Variants in KCNH1 observed in about 807,000 individuals in gnomAD.
The protein encoded by KCNH1 is potassium voltage-gated channel subfamily H member 1.
A neutral mutation model predicts 69.2 loss-of-function variants in KCNH1; 27 were observed. That is an observed-to-expected ratio of 0.39 (90% CI 0.29 to 0.54). KCNH1 has a LOEUF of 0.54. Ranked by LOEUF, KCNH1 falls within the 20% of genes least tolerant of loss-of-function variation. The pLI is 0.68. For synonymous variants in KCNH1, 456 were observed against 487.7 expected (o/e 0.93, Z 0.86); for missense variants, 798 against 1,261.6 (o/e 0.63, Z 5.57).
At chr1:210,964,586 G>C (rs1688362728) in intron 6 of KCNH1, among the ~76,000 whole-genome samples, 1 of 152,084 alleles carries the variant, frequency 6.6e-6, no homozygotes, top group Non-Finnish European at 1.5e-5. Flanking sequence ...CCAATAACCA[G>C]ATCTGAAATT....
At chr1:211,073,983 C>T (rs1366728375) in intron 5 of KCNH1, among the ~76,000 whole-genome samples, 1 of 151,598 alleles carries the variant, frequency 6.6e-6, no homozygotes, top group African/African-American at 2.4e-5. Flanking sequence ...AACATACTAG[C>T]CCCTGAGATG....
chr1:211,118,573 A>C (rs1478104389), intron 1 of KCNH1, among the ~76,000 whole-genome samples: 1 of 152,174 alleles, frequency 6.6e-6, no homozygotes, highest in African/African-American at 2.4e-5. Flanking sequence ...TCCTCAGCCC[A>C]CATAGTTTTC....
chr1:210,896,813 G>T (rs1352435897), intron 7 of KCNH1, among the ~76,000 whole-genome samples: 1 of 150,462 alleles, frequency 6.6e-6, no homozygotes, highest in East Asian at 1.9e-4. Flanking sequence ...ATAAAAGTAA[G>T]AAAAAAAAAC....
At chr1:210,806,833 AAAAATAT>A (rs1684584346) in intron 7 of KCNH1, among the ~76,000 whole-genome samples, 2 of 78,776 alleles carry the variant, frequency 2.5e-5, no homozygotes, top group East Asian at 9.1e-4. Flanking sequence ...AAAAAAAAAA[AAAAATAT>A]ATATATATAT....
At chr1:210,957,176 G>A (rs977995104) in intron 6 of KCNH1, among the ~76,000 whole-genome samples, 1 of 152,158 alleles carries the variant, frequency 6.6e-6, no homozygotes, top group Admixed American at 6.6e-5. Flanking sequence ...TATTTACCTA[G>A]TAGTCATTCA....
intron 5 of KCNH1, among the ~76,000 whole-genome samples, chr1:211,039,093 C>T (rs1689948058): frequency 6.6e-6 from 1 of 152,206 alleles, no homozygotes; most frequent in Non-Finnish European, 1.5e-5. Flanking sequence ...GGTCCCTGTG[C>T]TGTGTGCAGC....
rs115615263 is a variant in KCNH1 at position 211,006,087 on chromosome 1, T to C, written c.1032+12696A>G. 2.3e-3 allele frequency among the ~76,000 whole-genome samples: 356 copies of C among 152,234 alleles called. 2 individuals carry two copies. Among genetic ancestry groups the C allele is most frequent in the African/African-American group, 8.1e-3 (338 of 41,546 alleles). On this transcript the variant is annotated intron_variant, in intron 6 of 10. Transcript: ENST00000271751. The stretch of plus-strand genomic sequence containing the variant: ...TTGGATTAGGTAGAATTAAGCAAAC[T>C]GGAAACATCAGTGTTGGCAAGGAAG...
At chr1:211,016,644 C>T (rs1475592812) in intron 6 of KCNH1, among the ~76,000 whole-genome samples, 7 of 152,056 alleles carry the variant, frequency 4.6e-5, no homozygotes, top group Non-Finnish European at 1.0e-4. Flanking sequence ...AGTGGTGGCT[C>T]ACACCTGTAA....
chr1:210,805,251 T>C (rs1418156493), intron 7 of KCNH1, among the ~76,000 whole-genome samples: 2 of 152,212 alleles, frequency 1.3e-5, no homozygotes. Flanking sequence ...CAGTACTTAA[T>C]AAATATTTGT....
intron 7 of KCNH1, among the ~76,000 whole-genome samples, chr1:210,918,331 A>G (rs528465172): frequency 2.1e-4 from 32 of 152,340 alleles, no homozygotes; most frequent in African/African-American, 7.5e-4. Flanking sequence ...AGAACGCAAG[A>G]GTCTTCATGT....
intron 7 of KCNH1, among the ~76,000 whole-genome samples, chr1:210,904,718 TA>T (rs1307015920): frequency 6.6e-6 from 1 of 152,118 alleles, no homozygotes; most frequent in Non-Finnish European, 1.5e-5. Context: ...AATGGAGTAA[TA>T]ATAAAAGCAA....
At chr1:210,739,793 A>G (rs547651768) in intron 10 of KCNH1, among the ~76,000 whole-genome samples, 1 of 152,326 alleles carries the variant, frequency 6.6e-6, no homozygotes, top group South Asian at 2.1e-4. Flanking sequence ...CCTTAACTGC[A>G]TGACACACAG....
At chr1:211,127,374 G>GGTT (rs1449469049) in intron 1 of KCNH1, among the ~76,000 whole-genome samples, 1 of 149,846 alleles carries the variant, frequency 6.7e-6, no homozygotes, top group Admixed American at 6.7e-5. Context: ...CTGTCCCCAG[G>GGTT]GTTTACTGCT....
intron 5 of KCNH1, among the ~76,000 whole-genome samples, chr1:211,066,700 A>G (rs975264194): frequency 3.3e-5 from 5 of 152,236 alleles, no homozygotes; most frequent in African/African-American, 4.8e-5. Context: ...AAGAGAAGAA[A>G]GAGGAGGAAA....
chr1:211,043,201 C>G (rs1690031909), intron 5 of KCNH1, among the ~76,000 whole-genome samples: 1 of 151,970 alleles, frequency 6.6e-6, no homozygotes, highest in Non-Finnish European at 1.5e-5. Flanking sequence ...ATGGATAGAC[C>G]ATTAGCAAGA....
intron 6 of KCNH1, among the ~76,000 whole-genome samples, chr1:211,005,412 A>G (rs1044332026): frequency 2.0e-5 from 3 of 152,198 alleles, no homozygotes; most frequent in Non-Finnish European, 4.4e-5. Flanking sequence ...GCGGTAATAT[A>G]CAAACAAATC....
chr1:210,766,449 C>A (rs986847696), intron 10 of KCNH1, among the ~76,000 whole-genome samples: 2 of 152,056 alleles, frequency 1.3e-5, no homozygotes, highest in African/African-American at 2.4e-5. Flanking sequence ...AACTTGAAAC[C>A]AGGAGGCAGA....
At chr1:211,124,135 T>C (rs556660626) in intron 1 of KCNH1, among the ~76,000 whole-genome samples, 5 of 152,178 alleles carry the variant, frequency 3.3e-5, no homozygotes, top group African/African-American at 9.6e-5. Context: ...AAATGCAGTA[T>C]ACACACTTAT....
At chr1:210,715,930 G>A in intron 10 of KCNH1, among the ~76,000 whole-genome samples, 1 of 152,110 alleles carries the variant, frequency 6.6e-6, no homozygotes, top group Non-Finnish European at 1.5e-5. Flanking sequence ...TTCAGGAGAA[G>A]CTCCAGGGGA....
Sources: allele counts gnomAD v4.1 joint callset (sites outside exome capture counted in the v4.1 genomes callset), GRCh38; gene constraint gnomAD v4.1.1; transcripts MANE v1.5; gene names NCBI Gene and HGNC (gene_info 2026-07-23, HGNC 2026-07-21).